FBXL20: variants seen among roughly 807,000 people sequenced by gnomAD.
FBXL20 encodes the protein F-box/LRR-repeat protein 20.
A neutral mutation model predicts 64.0 loss-of-function variants in FBXL20; 11 were observed. That is an observed-to-expected ratio of 0.17 (90% CI 0.11 to 0.28). The LOEUF (loss-of-function observed/expected upper bound fraction) is 0.28. Among genes scored for constraint, FBXL20 ranks in the 10% least tolerant of loss-of-function variants. FBXL20 has a pLI of 1.00. For missense variants in FBXL20, 303 were observed against 526.2 expected (o/e 0.58, Z 4.15); for synonymous variants, 184 against 189.0 (o/e 0.97, Z 0.22).
rs766227076 is a variant in FBXL20 at position 39,265,680 on chromosome 17, TA to T, written c.934-228del. Among the ~76,000 whole-genome samples, 1,151 of 146,008 alleles carry T rather than the reference TA, an allele frequency of 7.9e-3. 21 individuals carry two copies. The highest frequency in any genetic ancestry group is 0.022 in the African/African-American group (880 of 40,154). On this transcript the variant is annotated intron_variant, in intron 12 of 14. Transcript: ENST00000264658. ...AGCCACCAGGACTAATTTTTTAAAT[TA>T]AAAAAATTTTTTTTTTTTTTTTGTA... is the stretch of plus-strand genomic sequence containing the variant.
intron 6 of FBXL20, among the ~76,000 whole-genome samples, chr17:39,296,528 C>A (rs2047086901): frequency 7.0e-6 from 1 of 141,926 alleles, no homozygotes; most frequent in African/African-American, 2.7e-5. Flanking sequence ...CCACTGCAGT[C>A]CAGCCTGGGC....
intron 14 of FBXL20, 88 bp from the exon 15 acceptor site, chr17:39,261,655 C>T: frequency 1.1e-6 from 1 of 950,830 alleles, no homozygotes; most frequent in Non-Finnish European, 1.6e-6. Flanking sequence ...CCGAGGGGCT[C>T]AATGAACATA....
chr17:39,279,250 G>T (rs779496713), intron 9 of FBXL20, among the ~76,000 whole-genome samples: 1 of 152,186 alleles, frequency 6.6e-6, no homozygotes, highest in Non-Finnish European at 1.5e-5. Flanking sequence ...TGTAATCCCA[G>T]CACTTTGCGA....
chr17:39,345,462 A>G (rs2047623239), intron 1 of FBXL20, among the ~76,000 whole-genome samples: 1 of 152,212 alleles, frequency 6.6e-6, no homozygotes, highest in East Asian at 1.9e-4. Context: ...GATTCAAAGT[A>G]GAGGTAATGA....
intron 1 of FBXL20, among the ~76,000 whole-genome samples, chr17:39,383,495 T>A (rs1445476562): frequency 6.6e-6 from 1 of 151,822 alleles, no homozygotes; most frequent in Non-Finnish European, 1.5e-5. Flanking sequence ...AATCACCAAG[T>A]CTGTAACTGT....
chr17:39,345,700 T>G (rs1196439827), intron 1 of FBXL20, among the ~76,000 whole-genome samples: 1 of 152,034 alleles, frequency 6.6e-6, no homozygotes, highest in South Asian at 2.1e-4. Context: ...GCCACCACAC[T>G]TGCCTGATTT....
chr17:39,255,001 G>A lies in FBXL20; in HGVS notation c.*6459C>T, dbSNP rs1269627671. Reference sequence around the variant, plus strand: ...TGGACTTTCTCTTAACATCCCACAGGGGAGCTTGCCCTAATTCTTTTTCTC... The same window carrying A: ...TGGACTTTCTCTTAACATCCCACAGAGGAGCTTGCCCTAATTCTTTTTCTC... On this transcript the variant is annotated 3_prime_UTR_variant, in exon 15 of 15. Transcript: ENST00000264658. The A allele has an allele frequency of 6.6e-6, 1 of 152,394 alleles. No individual in the cohort carries two copies. The highest frequency in any genetic ancestry group is 2.4e-5 in the African/African-American group (1 of 41,432). The allele number at this position is 152,394 out of a possible 1,614,324, so 9.4% of individuals were successfully genotyped here. A position where few individuals can be genotyped will look rare whatever the true frequency, so the allele number is the denominator to read the frequency against.
At chr17:39,264,102 GAAAAAAGGAAAA>G in intron 14 of FBXL20, 61 bp downstream of exon 14, 1 of 1,499,176 alleles carries the variant, frequency 6.7e-7, no homozygotes, top group South Asian at 1.2e-5. Context: ...ACCTAAATTT[GAAAAAAGGAAAA>G]AAAAAGAGAG....
intron 1 of FBXL20, among the ~76,000 whole-genome samples, chr17:39,395,373 A>C (rs2048173181): frequency 6.6e-6 from 1 of 152,194 alleles, no homozygotes; most frequent in Non-Finnish European, 1.5e-5. Context: ...TCAGTGAGCC[A>C]AGATCATGCC....
chr17:39,376,857 G>A (rs908438441), intron 1 of FBXL20, among the ~76,000 whole-genome samples: 4 of 152,012 alleles, frequency 2.6e-5, no homozygotes, highest in Admixed American at 1.3e-4. Context: ...AAGGTGAGCC[G>A]GGCATTGAAA....
intron 7 of FBXL20, among the ~76,000 whole-genome samples, chr17:39,284,120 C>T (rs1307352642): frequency 1.3e-5 from 2 of 152,178 alleles, no homozygotes; most frequent in African/African-American, 4.8e-5. Context: ...TACTCGGTTA[C>T]ATCTCATGGT....
chr17:39,381,879 G>C (rs968840129), intron 1 of FBXL20, among the ~76,000 whole-genome samples: 1 of 142,466 alleles, frequency 7.0e-6, no homozygotes, highest in East Asian at 2.3e-4. Context: ...GGCGGATCAC[G>C]AGGCCAAGAG....
intron 1 of FBXL20, among the ~76,000 whole-genome samples, chr17:39,350,404 G>A (rs8079346): frequency 0.052 from 7,887 of 151,802 alleles, 658 homozygotes; most frequent in African/African-American, 0.18. Flanking sequence ...CAGAAGAATC[G>A]CTTGAACCTG....
Position 39,345,633 on chromosome 17 carries a change from C to T in FBXL20, c.43-2392G>A, listed in dbSNP as rs966318771. ...TCAGATCACTGCAACCTCCACCTCC[C>T]GGGTTCAAGCGATTCTCCTGCCTCA... On this transcript the variant is annotated intron_variant, in intron 1 of 14. Coordinates refer to ENST00000264658, the MANE Select transcript of FBXL20 (RefSeq NM_032875.3). Among the ~76,000 whole-genome samples the T allele has an allele frequency of 5.9e-5, 9 of 152,174 alleles. No individual in the cohort carries two copies. In the East Asian group the frequency reaches 1.5e-3, roughly 26 times the overall value.
At chr17:39,341,610 C>T (rs1218932580) in intron 2 of FBXL20, among the ~76,000 whole-genome samples, 1 of 152,198 alleles carries the variant, frequency 6.6e-6, no homozygotes, top group Non-Finnish European at 1.5e-5. Context: ...TGTTCATATA[C>T]TCCTTCTCCC....
intron 12 of FBXL20, among the ~76,000 whole-genome samples, chr17:39,266,320 A>G: frequency 6.6e-6 from 1 of 151,814 alleles, no homozygotes; most frequent in South Asian, 2.1e-4. Flanking sequence ...CCTGGGTTCA[A>G]GCGATTCTCC....
At chr17:39,361,952 G>T (rs11869109) in intron 1 of FBXL20, among the ~76,000 whole-genome samples, 56,987 of 149,176 alleles carry the variant, frequency 0.38, 13,838 homozygotes, top group African/African-American at 0.7. Context: ...AAAGAGTAAA[G>T]TTTTAAAAAT....
chr17:39,264,386 C>T lies in FBXL20; in HGVS notation c.992G>A (p.Ser331Asn), dbSNP rs1296882792. The change falls in exon 14 of 15, where the codon AGT becomes AAT. Residue 331 changes from serine (S) to asparagine (N), a missense_variant and splice_region_variant. By Grantham distance (46) the Ser-to-Asn change is conservative. Transcript: ENST00000264658. ...SIHCPRLQVL[S>N]LSHCELITDD... ...TGTGATCAGCTCACAGTGAGACAGA[C>T]TCTGCAGCCAAATAGAGCAAGGAAG... 6.2e-7 allele frequency: 1 copy of T among 1,612,270 alleles called. No individual in the cohort carries two copies. The highest frequency in any genetic ancestry group is 8.5e-7 in the Non-Finnish European group (1 of 1,179,240).
At chr17:39,333,190 T>G (rs1370961021) in intron 2 of FBXL20, among the ~76,000 whole-genome samples, 2 of 152,194 alleles carry the variant, frequency 1.3e-5, no homozygotes, top group African/African-American at 2.4e-5. Context: ...CTCCCTCTGA[T>G]GCCCAGCCGA....
Sources: gnomAD v4.1 joint callset for allele counts (sites outside exome capture counted in the v4.1 genomes callset) on GRCh38, gnomAD v4.1.1 for gene constraint, MANE v1.5 for transcripts, NCBI Gene and HGNC (gene_info 2026-07-23, HGNC 2026-07-21) for gene names.